The following CILK1 variants were observed in gnomAD, a reference collection of about 807,000 sequenced individuals.
The protein encoded by CILK1 is serine/threonine-protein kinase ICK.
Under a neutral mutation model 79.2 loss-of-function variants are expected in CILK1, and 47 were observed. The observed-to-expected ratio is 0.59, with a 90% CI of 0.47 to 0.76. CILK1 has a LOEUF of 0.76. Ranked by LOEUF, CILK1 falls within the 30% of genes least tolerant of loss-of-function variation. The probability of loss-of-function intolerance (pLI) is 0.00; values close to 1 mark genes in which losing one functional copy is unlikely to be tolerated. For missense variants in CILK1, 660 were observed against 769.5 expected (o/e 0.86, Z 1.68); for synonymous variants, 266 against 275.9 (o/e 0.96, Z 0.36).
intron 1 of CILK1, among the ~76,000 whole-genome samples, chr6:53,059,808 A>G (rs906550256): frequency 2.0e-5 from 3 of 152,268 alleles, no homozygotes; most frequent in African/African-American, 4.8e-5. Flanking sequence ...TGATGAAGTG[A>G]TCATTTTAAA....
At chr6:53,044,229 G>C (rs1418218682) in intron 1 of CILK1, among the ~76,000 whole-genome samples, 1 of 152,092 alleles carries the variant, frequency 6.6e-6, no homozygotes, top group Admixed American at 6.5e-5. Flanking sequence ...GAGCATTACT[G>C]CCTGAGCTCC....
intron 2 of CILK1, among the ~76,000 whole-genome samples, chr6:53,040,349 A>C (rs188448434): frequency 6.6e-6 from 1 of 152,312 alleles, no homozygotes; most frequent in Admixed American, 6.5e-5. Context: ...TGCCTTCTTG[A>C]CTCCCAAGTT....
rs2127411867 is a variant in CILK1 at position 53,013,984 on chromosome 6, T to C, written c.832-2A>G. The stretch of plus-strand genomic sequence containing the variant: ...TTGGAAGTAAGGATATCGAAGTGCC[T>C]GGAATGACAAATAAGGCTTTAGGAG... On this transcript the variant is annotated splice_acceptor_variant, in intron 8 of 13. Coordinates refer to ENST00000676107, the MANE Select transcript of CILK1 (RefSeq NM_014920.5). LOFTEE classifies it high-confidence loss of function. The C allele has an allele frequency of 6.2e-7, 1 of 1,612,082 alleles. No homozygotes were observed. Among genetic ancestry groups the C allele is most frequent in the Middle Eastern group, 1.7e-4 (1 of 6,060 alleles).
chr6:53,042,608 T>C (rs1243609852), intron 1 of CILK1, among the ~76,000 whole-genome samples: 1 of 152,224 alleles, frequency 6.6e-6, no homozygotes, highest in Non-Finnish European at 1.5e-5. Context: ...GTTTGTGTCT[T>C]AAAAATAATG....
chr6:53,013,132 C>T (rs1442080241), intron 9 of CILK1, among the ~76,000 whole-genome samples: 1 of 152,208 alleles, frequency 6.6e-6, no homozygotes, highest in South Asian at 2.1e-4. Context: ...GTAGGTAAGA[C>T]ATGCACTATA....
At chr6:53,041,487 GT>G (rs1189772806) in intron 1 of CILK1, 79 bp from the exon 2 acceptor site, 1 of 454,426 alleles carries the variant, frequency 2.2e-6, no homozygotes, top group Non-Finnish European at 4.1e-6. Context: ...CTAAATCTGT[GT>G]TTTATTGGAA....
At position 53,041,144 on chromosome 6, in the gene CILK1, A is replaced by C. The variant is rs755624775; in HGVS notation, c.93T>G (p.Ala31=). The change falls in exon 2 of 14, where the codon GCT becomes GCG. Residue 31 remains alanine (A), a synonymous_variant. Coordinates refer to ENST00000676107, the MANE Select transcript of CILK1 (RefSeq NM_014920.5). ...GRSIESGELI[A]IKKMKRKFYS... ...TGAAGGATCAAACTTACTTTTTAATAGCGATCAGCTCCCCAGACTCAATGC... is the reference window on the plus strand; with the variant it reads ...TGAAGGATCAAACTTACTTTTTAATCGCGATCAGCTCCCCAGACTCAATGC... The C allele has an allele frequency of 3.7e-6, 6 of 1,609,308 alleles. No homozygotes were observed. Among genetic ancestry groups the C allele is most frequent in the Non-Finnish European group, 3.4e-6 (4 of 1,175,556 alleles).
In CILK1 at chr6:53,006,332, A is replaced by G. The variant is rs772768806; in HGVS notation, c.1727T>C (p.Ile576Thr). The G allele has an allele frequency of 1.2e-6, 2 of 1,613,936 alleles. No individual in the cohort carries two copies. The highest frequency in any genetic ancestry group is 2.2e-5 in the East Asian group (1 of 44,872). ...CAACTCACCAGGGGAAGGGTCTGGA[A>G]TAGGTGCTAGGTGTACCCTCTGCAT... ...SAMQRVHLAPIPDPSPGYSSL... is the reference protein window; with the variant it reads ...SAMQRVHLAPTPDPSPGYSSL... Residue 576 changes from isoleucine (I) to threonine (T), a missense_variant, in exon 13 of 14, where the codon ATT (isoleucine) becomes ACT (threonine). Transcript: ENST00000676107.
intron 5 of CILK1, among the ~76,000 whole-genome samples, chr6:53,028,712 G>A (rs574572009): frequency 1.2e-4 from 19 of 152,288 alleles, no homozygotes; most frequent in African/African-American, 3.1e-4. Context: ...GCCTTCCCTG[G>A]TACCTTGTGG....
intron 3 of CILK1, among the ~76,000 whole-genome samples, chr6:53,033,312 C>G (rs981966243): frequency 1.3e-5 from 2 of 152,128 alleles, no homozygotes; most frequent in Admixed American, 1.3e-4. Flanking sequence ...GAGAGGGTGG[C>G]TCAGAAAATG....
In CILK1 at chr6:53,041,249, C is replaced by T. The variant is rs978937917; in HGVS notation, c.-13G>A. 14 of 1,594,142 alleles carry T rather than the reference C, an allele frequency of 8.8e-6. No individual in the cohort carries two copies. Among genetic ancestry groups the T allele is most frequent in the African/African-American group, 1.3e-5 (1 of 74,496 alleles). On this transcript the variant is annotated 5_prime_UTR_variant, in exon 2 of 14. Coordinates refer to ENST00000676107, the MANE Select transcript of CILK1 (RefSeq NM_014920.5). ...TGTATCTATTCATGGTGTGCCTGCT[C>T]AGGCCGGACACTCATCTCACGGCCG...
Position 53,004,181 on chromosome 6 carries a change from C to T in CILK1, c.*968G>A, listed in dbSNP as rs1413121169. ...GACAGAACATTAGTCATTGACTGCT[C>T]CTAGCCAGATCTGGAGAACTGAGCT... On this transcript the variant is annotated 3_prime_UTR_variant, in exon 14 of 14. Transcript: ENST00000676107. 1 of 152,606 alleles carries T rather than the reference C, an allele frequency of 6.6e-6. No individual in the cohort carries two copies. Among genetic ancestry groups the T allele is most frequent in the Non-Finnish European group, 1.5e-5 (1 of 68,036 alleles). The allele number at this position is 152,606 out of a possible 1,614,324, so 9.5% of individuals were successfully genotyped here.
chr6:53,049,877 G>A (rs1767356478), intron 1 of CILK1, among the ~76,000 whole-genome samples: 1 of 151,846 alleles, frequency 6.6e-6, no homozygotes. Flanking sequence ...TGCACCACCA[G>A]GCCTGGTTAA....
intron 11 of CILK1, among the ~76,000 whole-genome samples, chr6:53,010,172 G>T (rs1257233389): frequency 6.6e-6 from 1 of 152,126 alleles, no homozygotes; most frequent in East Asian, 1.9e-4. Flanking sequence ...ACTCATACTG[G>T]ATCACTCTAT....
intron 2 of CILK1, among the ~76,000 whole-genome samples, chr6:53,039,408 C>T (rs1218131117): frequency 6.6e-6 from 1 of 152,182 alleles, no homozygotes; most frequent in Non-Finnish European, 1.5e-5. Flanking sequence ...TGGATTCCTC[C>T]AAAAGCAGGG....
intron 1 of CILK1, among the ~76,000 whole-genome samples, chr6:53,043,713 C>G (rs1260155913): frequency 6.6e-6 from 1 of 151,978 alleles, no homozygotes; most frequent in Non-Finnish European, 1.5e-5. Context: ...AAAATATGGT[C>G]CCTTCTTTTA....
chr6:53,029,296 T>C (rs1765772790), intron 5 of CILK1, among the ~76,000 whole-genome samples: 1 of 152,192 alleles, frequency 6.6e-6, no homozygotes, highest in African/African-American at 2.4e-5. Context: ...TTTTTAATGT[T>C]TTGCAAATTC....
At chr6:53,021,585 T>A (rs1468253372) in intron 5 of CILK1, among the ~76,000 whole-genome samples, 2 of 152,152 alleles carry the variant, frequency 1.3e-5, no homozygotes, top group Non-Finnish European at 1.5e-5. Context: ...CCAACACTTA[T>A]CAATACATGT....
intron 3 of CILK1, among the ~76,000 whole-genome samples, chr6:53,036,752 G>A (rs1172241995): frequency 1.3e-5 from 2 of 152,000 alleles, no homozygotes; most frequent in Non-Finnish European, 2.9e-5. Context: ...ATAAATGAAC[G>A]GTTGCAATCA....
Sources: allele counts gnomAD v4.1 joint callset (sites outside exome capture counted in the v4.1 genomes callset), GRCh38; gene constraint gnomAD v4.1.1; transcripts MANE v1.5; gene names NCBI Gene and HGNC (gene_info 2026-07-23, HGNC 2026-07-21).